Variants in RPS6KA2 observed in about 807,000 individuals in gnomAD.
The protein encoded by RPS6KA2 is ribosomal protein S6 kinase A2, also known as ribosomal protein S6 kinase alpha-2.
In RPS6KA2, 42 loss-of-function variants were observed where a neutral mutation model predicts 91.8. The ratio of observed to expected loss-of-function variants is 0.46; its 90% CI spans 0.36 to 0.59. RPS6KA2 has a LOEUF of 0.59. Ranked by LOEUF, RPS6KA2 falls within the 20% of genes least tolerant of loss-of-function variation. RPS6KA2 has a pLI of 0.00. For synonymous variants in RPS6KA2, 414 were observed against 393.6 expected (o/e 1.05, Z -0.61); for missense variants, 798 against 978.5 (o/e 0.82, Z 2.46).
chr6:166,862,604 CCTCA>C (rs1562476812), upstream of RPS6KA2: 2 of 222,624 alleles, frequency 9.0e-6, no homozygotes, highest in Non-Finnish European at 1.8e-5. Context: ...TCCCTCCTCC[CCTCA>C]CTATTTTACC....
intron 1 of RPS6KA2, among the ~76,000 whole-genome samples, chr6:166,616,595 C>T (rs772409976): frequency 2.6e-5 from 4 of 152,230 alleles, no homozygotes; most frequent in African/African-American, 4.8e-5. Context: ...GCAGAACCCC[C>T]GACCCTGACT....
intron 14 of RPS6KA2, among the ~76,000 whole-genome samples, chr6:166,446,684 GCCT>G: frequency 6.6e-6 from 1 of 152,284 alleles, no homozygotes; most frequent in South Asian, 2.1e-4. Flanking sequence ...ACACACCATC[GCCT>G]CGTCACTGGG....
rs566236604 is a variant in RPS6KA2, at chr6:166,433,968, C to T, written c.1333-1478G>A. On this transcript the variant is annotated intron_variant, in intron 14 of 20. Transcript: ENST00000265678. This position sits in a 1 kb window ranked among gnomAD's most constrained non-coding sequence, Gnocchi z 4.4. Reference sequence around the variant, plus strand: ...GATGATGGGGTCTTGCTGTGTTGCCCAGGCTGGTCTCTAACTCCTGGCTTC... The same window carrying T: ...GATGATGGGGTCTTGCTGTGTTGCCTAGGCTGGTCTCTAACTCCTGGCTTC... Among the ~76,000 whole-genome samples the T allele has an allele frequency of 6.6e-6, 1 of 152,258 alleles. No individual in the cohort carries two copies. Among genetic ancestry groups the T allele is most frequent in the South Asian group, 2.1e-4 (1 of 4,824 alleles).
chr6:166,597,164 G>A (rs1785561977), intron 1 of RPS6KA2, among the ~76,000 whole-genome samples: 1 of 152,256 alleles, frequency 6.6e-6, no homozygotes, highest in African/African-American at 2.4e-5. Context: ...CACGCCATGG[G>A]AGGCAAGAGA....
chr6:166,643,313 T>A (rs554567338), intron 2 of RPS6KA2, among the ~76,000 whole-genome samples: 2 of 152,032 alleles, frequency 1.3e-5, no homozygotes, highest in African/African-American at 2.4e-5. Context: ...GCCAAATAGG[T>A]TTACAATAAA....
chr6:166,773,387 T>A (rs707763), intron 2 of RPS6KA2, among the ~76,000 whole-genome samples: 4 of 115,658 alleles, frequency 3.5e-5, no homozygotes, highest in African/African-American at 3.0e-4. Context: ...TTTCTTTTCG[T>A]TTTTTTTTGT....
At chr6:166,608,156 A>G (rs9347138) in intron 1 of RPS6KA2, among the ~76,000 whole-genome samples, 19,000 of 152,234 alleles carry the variant, frequency 0.12, 1,291 homozygotes, top group East Asian at 0.33. Context: ...AATTTTTCAC[A>G]AAGACTCCCA....
rs1434241961 is a variant in RPS6KA2, at chr6:166,495,093, A to C, written c.747+3415T>G. 6.6e-6 allele frequency among the ~76,000 whole-genome samples: 1 copy of C among 152,236 alleles called. No individual in the cohort carries two copies. Among genetic ancestry groups the C allele is most frequent in the African/African-American group, 2.4e-5 (1 of 41,464 alleles). On this transcript the variant is annotated intron_variant, in intron 8 of 20. Transcript: ENST00000265678. The surrounding 1 kb of genome is among the most constrained non-coding windows in gnomAD (Gnocchi z 4.4). ...AGTCACCACGTGGGCGGGCGGCACT[A>C]AATGAGAATGTGTTTCTGGGACTAT...
intron 1 of RPS6KA2, among the ~76,000 whole-genome samples, chr6:166,587,683 C>G (rs1433409118): frequency 7.1e-6 from 1 of 140,324 alleles, no homozygotes; most frequent in Non-Finnish European, 1.5e-5. Flanking sequence ...TATATATACA[C>G]ACACAAAAAT....
At chr6:166,742,573 C>T (rs573798303) in intron 2 of RPS6KA2, among the ~76,000 whole-genome samples, 1 of 152,288 alleles carries the variant, frequency 6.6e-6, no homozygotes, top group African/African-American at 2.4e-5. Flanking sequence ...GCGGTGGCCA[C>T]GGGAGGGGAG....
At chr6:166,777,200 C>T (rs1441866191) in intron 2 of RPS6KA2, among the ~76,000 whole-genome samples, 1 of 152,334 alleles carries the variant, frequency 6.6e-6, no homozygotes, top group East Asian at 1.9e-4. Context: ...GGACGGGAGA[C>T]ATCGAACTTG....
chr6:166,686,402 AC>A (rs1197125850), intron 2 of RPS6KA2, among the ~76,000 whole-genome samples: 1 of 152,086 alleles, frequency 6.6e-6, no homozygotes, highest in Non-Finnish European at 1.5e-5. Context: ...AGGTGAAATG[AC>A]CCAGAACAAG....
intron 16 of RPS6KA2, among the ~76,000 whole-genome samples, chr6:166,424,724 T>C (rs958596636): frequency 6.6e-6 from 1 of 152,218 alleles, no homozygotes; most frequent in Non-Finnish European, 1.5e-5. Flanking sequence ...TGGATCACGG[T>C]GAGGCCCACG....
chr6:166,626,639 G>A lies in RPS6KA2; in HGVS notation c.99+282C>T, dbSNP rs1369642389. ...CCCGGGGCTCCCTGTGGCCCACAGGGGACCATCCCACACCCCGTGCAGCCA... is the reference window on the plus strand; with the variant it reads ...CCCGGGGCTCCCTGTGGCCCACAGGAGACCATCCCACACCCCGTGCAGCCA... On this transcript the variant is annotated intron_variant, in intron 1 of 20. Transcript: ENST00000265678. This position sits in a 1 kb window ranked among gnomAD's most constrained non-coding sequence, Gnocchi z 4.1. 6.6e-6 allele frequency among the ~76,000 whole-genome samples: 1 copy of A among 152,212 alleles called. No homozygotes were observed. Among genetic ancestry groups the A allele is most frequent in the African/African-American group, 2.4e-5 (1 of 41,478 alleles).
intron 2 of RPS6KA2, among the ~76,000 whole-genome samples, chr6:166,679,035 G>T (rs1041088707): frequency 6.6e-6 from 1 of 152,162 alleles, no homozygotes; most frequent in Non-Finnish European, 1.5e-5. Flanking sequence ...TTTAGTTCAC[G>T]TTACAAAACC....
chr6:166,789,207 T>TG (rs1779012068), intron 2 of RPS6KA2, among the ~76,000 whole-genome samples: 1 of 152,108 alleles, frequency 6.6e-6, no homozygotes, highest in Non-Finnish European at 1.5e-5. Flanking sequence ...CACCAGGAGA[T>TG]TATATCCCAC....
At chr6:166,841,968 T>C (rs1186344089) in intron 2 of RPS6KA2, among the ~76,000 whole-genome samples, 3 of 152,106 alleles carry the variant, frequency 2.0e-5, no homozygotes, top group African/African-American at 7.2e-5. Flanking sequence ...TGGACAAGCC[T>C]CAAGCAGGAT....
intron 1 of RPS6KA2, among the ~76,000 whole-genome samples, chr6:166,593,403 C>T (rs929655028): frequency 1.3e-5 from 2 of 152,158 alleles, no homozygotes; most frequent in Non-Finnish European, 2.9e-5. Flanking sequence ...ATAGCTAGTT[C>T]TAAAACCATA....
chr6:166,597,836 T>A (rs1785592348), intron 1 of RPS6KA2, among the ~76,000 whole-genome samples: 1 of 152,148 alleles, frequency 6.6e-6, no homozygotes, highest in Non-Finnish European at 1.5e-5. Context: ...GCTGGTGAGA[T>A]GCTCTAGAGA....
Sources: gnomAD v4.1 joint callset for allele counts (sites outside exome capture counted in the v4.1 genomes callset) on GRCh38, gnomAD v4.1.1 for gene constraint, Gnocchi (gnomAD v3.1) non-coding constraint, MANE v1.5 for transcripts, NCBI Gene and HGNC (gene_info 2026-07-23, HGNC 2026-07-21) for gene names.